SNTG1: variants seen among roughly 807,000 people sequenced by gnomAD.
SNTG1 encodes syntrophin gamma 1.
SNTG1 carries 39 observed loss-of-function variants against 74.7 expected under a neutral mutation model. The ratio of observed to expected loss-of-function variants is 0.52; its 90% CI spans 0.40 to 0.68. The LOEUF is 0.68. SNTG1 is among the 30% of genes least tolerant of loss of function. SNTG1 has a pLI of 0.00. For synonymous variants in SNTG1, 254 were observed against 217.1 expected (o/e 1.17, Z -1.49); for missense variants, 685 against 609.5 (o/e 1.12, Z -1.30).
intron 12 of SNTG1, among the ~76,000 whole-genome samples, chr8:50,561,222 C>T (rs1157553190): frequency 6.6e-6 from 1 of 152,068 alleles, no homozygotes; most frequent in Non-Finnish European, 1.5e-5. Flanking sequence ...TCTCCTGCTG[C>T]CTTGTGAAGA....
chr8:50,260,031 A>T (rs1372638818), intron 2 of SNTG1, among the ~76,000 whole-genome samples: 1 of 152,278 alleles, frequency 6.6e-6, no homozygotes, highest in Admixed American at 6.5e-5. Context: ...CACCAAAAAG[A>T]TTGGAGAAAA....
At chr8:50,475,539 G>T (rs1288792034) in intron 8 of SNTG1, among the ~76,000 whole-genome samples, 1 of 152,050 alleles carries the variant, frequency 6.6e-6, no homozygotes, top group Non-Finnish European at 1.5e-5. Flanking sequence ...TGCCATTTCC[G>T]TGTGTTCCTT....
intron 2 of SNTG1, among the ~76,000 whole-genome samples, chr8:50,190,204 A>G (rs889162918): frequency 1.3e-5 from 2 of 152,156 alleles, no homozygotes; most frequent in Non-Finnish European, 2.9e-5. Flanking sequence ...TCTCAGAGAA[A>G]GGCCAGCATT....
intron 1 of SNTG1, among the ~76,000 whole-genome samples, chr8:49,986,913 A>C (rs1813217191): frequency 6.6e-6 from 1 of 152,290 alleles, no homozygotes; most frequent in South Asian, 2.1e-4. Flanking sequence ...AAATATAAAT[A>C]AATATCTGGG....
At chr8:49,982,711 T>C (rs1250267985) in intron 1 of SNTG1, among the ~76,000 whole-genome samples, 1 of 151,982 alleles carries the variant, frequency 6.6e-6, no homozygotes, top group Non-Finnish European at 1.5e-5. Context: ...CTTGCATTTA[T>C]CTTTACAAAA....
intron 2 of SNTG1, among the ~76,000 whole-genome samples, chr8:50,293,403 CT>C (rs11349774): frequency 0.77 from 104,728 of 135,472 alleles, 40,927 homozygotes; most frequent in East Asian, 0.97. Flanking sequence ...TAGTAGGCTT[CT>C]TTTTTTTTTT....
chr8:50,017,470 G>C (rs951569960), intron 1 of SNTG1, among the ~76,000 whole-genome samples: 4 of 151,806 alleles, frequency 2.6e-5, no homozygotes, highest in African/African-American at 2.4e-5. Context: ...ATTGAAGGTG[G>C]ATATTGAAAG....
At chr8:50,242,082 T>G (rs2086188457) in intron 2 of SNTG1, among the ~76,000 whole-genome samples, 1 of 151,876 alleles carries the variant, frequency 6.6e-6, no homozygotes, top group Non-Finnish European at 1.5e-5. Flanking sequence ...CACACACATA[T>G]CTACGTATAT....
At chr8:50,632,944 A>T (rs1279465518) in intron 13 of SNTG1, among the ~76,000 whole-genome samples, 2 of 152,194 alleles carry the variant, frequency 1.3e-5, no homozygotes, top group African/African-American at 4.8e-5. Context: ...AAGCTAACAT[A>T]TTCACTTGCA....
intron 13 of SNTG1, among the ~76,000 whole-genome samples, chr8:50,648,533 C>G (rs1394560678): frequency 6.6e-6 from 1 of 152,038 alleles, no homozygotes; most frequent in Admixed American, 6.6e-5. Context: ...AAAATTTCAT[C>G]TTATTACAAT....
At chr8:50,260,747 T>TA (rs35500338) in intron 2 of SNTG1, among the ~76,000 whole-genome samples, 49,169 of 140,338 alleles carry the variant, frequency 0.35, 8,702 homozygotes, top group South Asian at 0.53. Flanking sequence ...ATAGCAATTC[T>TA]AAAAAAAAAA....
intron 2 of SNTG1, among the ~76,000 whole-genome samples, chr8:50,360,988 T>TC (rs1307128129): frequency 6.6e-6 from 1 of 152,228 alleles, no homozygotes; most frequent in African/African-American, 2.4e-5. Flanking sequence ...CTGTAATTTT[T>TC]CACTTAAACT....
chr8:50,555,736 A>G (rs1403746192), intron 12 of SNTG1, among the ~76,000 whole-genome samples: 1 of 152,204 alleles, frequency 6.6e-6, no homozygotes, highest in Non-Finnish European at 1.5e-5. Context: ...ATTATCAGGC[A>G]TAAAATAAAA....
At chr8:50,452,187 T>C (rs1390292080) in intron 8 of SNTG1, among the ~76,000 whole-genome samples, 2 of 152,196 alleles carry the variant, frequency 1.3e-5, no homozygotes, top group Admixed American at 1.3e-4. Context: ...CTTGTCTTTG[T>C]CTTCTTAAAA....
chr8:50,252,746 C>G (rs542248918), intron 2 of SNTG1, among the ~76,000 whole-genome samples: 2 of 152,248 alleles, frequency 1.3e-5, no homozygotes, highest in East Asian at 3.9e-4. Flanking sequence ...GTGGGGAAGA[C>G]ACAAAGGCAG....
At chr8:50,076,402 G>A (rs953513634) in intron 1 of SNTG1, among the ~76,000 whole-genome samples, 17 of 152,176 alleles carry the variant, frequency 1.1e-4, no homozygotes, top group African/African-American at 4.1e-4. Flanking sequence ...CTATAAAAAT[G>A]TATGAATTCC....
At chr8:50,019,316 C>T (rs1291651869) in intron 1 of SNTG1, among the ~76,000 whole-genome samples, 4 of 151,948 alleles carry the variant, frequency 2.6e-5, no homozygotes, top group South Asian at 2.1e-4. Context: ...CTTGGTAAGA[C>T]GTTCAGTCTT....
chr8:50,271,710 C>T (rs757494052), intron 2 of SNTG1, among the ~76,000 whole-genome samples: 2 of 152,140 alleles, frequency 1.3e-5, no homozygotes, highest in Non-Finnish European at 2.9e-5. Flanking sequence ...CTAAATATTT[C>T]ATCCTGAAAA....
At chr8:50,712,681 T>C (rs2095464971) in intron 17 of SNTG1, among the ~76,000 whole-genome samples, 1 of 151,266 alleles carries the variant, frequency 6.6e-6, no homozygotes, top group Non-Finnish European at 1.5e-5. Context: ...CAGGCCCCAG[T>C]GTGTGATGTT....
Sources: gnomAD v4.1 joint callset for allele counts (sites outside exome capture counted in the v4.1 genomes callset) on GRCh38, gnomAD v4.1.1 for gene constraint, MANE v1.5 for transcripts, NCBI Gene and HGNC (gene_info 2026-07-23, HGNC 2026-07-21) for gene names.